EFR3B: variants seen among roughly 807,000 people sequenced by gnomAD.
EFR3B encodes the protein EFR3 homolog B.
In EFR3B, 64 loss-of-function variants were observed where a neutral mutation model predicts 104.7. That is an observed-to-expected ratio of 0.61 (90% CI 0.50 to 0.75). EFR3B has a LOEUF of 0.75. EFR3B is among the 30% of genes least tolerant of loss of function. The pLI, the probability that EFR3B is intolerant of heterozygous loss-of-function variation, is 0.00. For synonymous variants in EFR3B, 385 were observed against 417.9 expected (o/e 0.92, Z 0.96); for missense variants, 750 against 1,078.5 (o/e 0.70, Z 4.27).
At chr2:25,104,760 G>T (rs1036965359) in intron 4 of EFR3B, among the ~76,000 whole-genome samples, 1 of 152,212 alleles carries the variant, frequency 6.6e-6, no homozygotes, top group East Asian at 1.9e-4. Flanking sequence ...GCTGTGAAGC[G>T]TTGAGCAGGT....
chr2:25,091,760 T>C (rs1669131530), intron 2 of EFR3B, among the ~76,000 whole-genome samples: 1 of 152,178 alleles, frequency 6.6e-6, no homozygotes, highest in South Asian at 2.1e-4. Flanking sequence ...TGCCGGTCAG[T>C]GTGAGGACTC....
intron 16 of EFR3B, among the ~76,000 whole-genome samples, chr2:25,140,263 C>T (rs781679800): frequency 1.2e-4 from 19 of 152,042 alleles, no homozygotes; most frequent in Non-Finnish European, 2.6e-4. Context: ...GCCAAGATTG[C>T]ACCACTGCAC....
chr2:25,056,197 G>C (rs976231820), intron 1 of EFR3B, among the ~76,000 whole-genome samples: 1 of 152,066 alleles, frequency 6.6e-6, no homozygotes, highest in African/African-American at 2.4e-5. Flanking sequence ...AATAAATAAA[G>C]AATATATTAG....
intron 1 of EFR3B, among the ~76,000 whole-genome samples, chr2:25,043,849 A>T (rs1319938061): frequency 6.6e-6 from 1 of 152,222 alleles, no homozygotes; most frequent in Non-Finnish European, 1.5e-5. Flanking sequence ...ATGTGACTGC[A>T]GGGGCACCTG....
intron 1 of EFR3B, among the ~76,000 whole-genome samples, chr2:25,067,426 G>GTTTTTTTTT (rs111972158): frequency 4.9e-5 from 7 of 142,790 alleles, no homozygotes; most frequent in African/African-American, 1.8e-4. Context: ...TTTAGTTTTT[G>GTTTTTTTTT]TTTTTTTTTT....
chr2:25,094,800 A>T (rs72850895), intron 3 of EFR3B, among the ~76,000 whole-genome samples: 16,371 of 151,664 alleles, frequency 0.11, 2,124 homozygotes, highest in African/African-American at 0.32. Context: ...TATTATTATT[A>T]TTTTTTTAAG....
intron 1 of EFR3B, among the ~76,000 whole-genome samples, chr2:25,048,370 C>T (rs1407573157): frequency 6.6e-6 from 1 of 152,148 alleles, no homozygotes; most frequent in Non-Finnish European, 1.5e-5. Flanking sequence ...TATAAGCATG[C>T]CCCACAAGTT....
Position 25,097,010 on chromosome 2 carries a change from A to G in EFR3B, c.212+3880A>G, listed in dbSNP as rs113831208. 3.1e-3 allele frequency among the ~76,000 whole-genome samples: 479 copies of G among 152,332 alleles called. 1 individual carries two copies. The highest frequency in any genetic ancestry group is 0.011 in the African/African-American group (463 of 41,572). The stretch of plus-strand genomic sequence containing the variant: ...CTTGACATATTGTAAATTATACTCA[A>G]GCAAGTAAAAATGACTTGATCCTAG... On this transcript the variant is annotated intron_variant, in intron 3 of 22. Coordinates refer to ENST00000403714, the MANE Select transcript of EFR3B (RefSeq NM_014971.2).
intron 17 of EFR3B, among the ~76,000 whole-genome samples, chr2:25,141,827 C>T (rs576947595): frequency 6.6e-6 from 1 of 152,296 alleles, no homozygotes; most frequent in South Asian, 2.1e-4. Flanking sequence ...AGATGTTTTG[C>T]AAAACCAAAA....
chr2:25,107,808 G>A (rs554773468), intron 4 of EFR3B, among the ~76,000 whole-genome samples: 29 of 134,938 alleles, frequency 2.1e-4, no homozygotes, highest in African/African-American at 5.5e-4. Context: ...ATTTAAGTGA[G>A]CTTTTTTTTT....
At chr2:25,068,451 C>G (rs1668396205) in intron 1 of EFR3B, among the ~76,000 whole-genome samples, 1 of 152,064 alleles carries the variant, frequency 6.6e-6, no homozygotes, top group African/African-American at 2.4e-5. Flanking sequence ...AGGCTCCACG[C>G]CTCATTTTCT....
intron 4 of EFR3B, among the ~76,000 whole-genome samples, chr2:25,118,911 G>C (rs1448504338): frequency 6.6e-6 from 1 of 152,008 alleles, no homozygotes; most frequent in Non-Finnish European, 1.5e-5. Context: ...CGTGGCTGTA[G>C]TCCCAGCTAC....
At chr2:25,113,110 A>G (rs1669765468) in intron 4 of EFR3B, among the ~76,000 whole-genome samples, 1 of 152,160 alleles carries the variant, frequency 6.6e-6, no homozygotes, top group Non-Finnish European at 1.5e-5. Context: ...TAAAAAGCTG[A>G]AACTTTGATC....
At chr2:25,054,674 T>C (rs1667971425) in intron 1 of EFR3B, among the ~76,000 whole-genome samples, 1 of 152,192 alleles carries the variant, frequency 6.6e-6, no homozygotes, top group Admixed American at 6.5e-5. Context: ...TGACAATCCC[T>C]GCATACAAGG....
At chr2:25,084,517 G>A (rs186994875) in intron 1 of EFR3B, among the ~76,000 whole-genome samples, 2 of 152,298 alleles carry the variant, frequency 1.3e-5, no homozygotes, top group African/African-American at 4.8e-5. Context: ...GGGATTACAG[G>A]TGTGAGCCAC....
At chr2:25,069,696 G>T (rs748591322) in intron 1 of EFR3B, among the ~76,000 whole-genome samples, 2 of 152,124 alleles carry the variant, frequency 1.3e-5, no homozygotes, top group Admixed American at 6.5e-5. Context: ...TAGGGAAGGG[G>T]TAGTAACTTT....
chr2:25,145,538 C>A (rs1670791014), intron 19 of EFR3B: 2 of 167,684 alleles, frequency 1.2e-5, no homozygotes, highest in Admixed American at 6.1e-5. Context: ...GGCAGCACGG[C>A]ACTTCAGCCT....
rs1248555689 is a variant in EFR3B at position 25,042,380 on chromosome 2, C to A, written c.7+61C>A. 1 of 1,235,114 alleles carries A rather than the reference C, an allele frequency of 8.1e-7. No homozygotes were observed. Among genetic ancestry groups the A allele is most frequent in the Middle Eastern group, 3.0e-4 (1 of 3,370 alleles). 76.5% of individuals were successfully genotyped at this position (1,235,114 alleles called of 1,614,324 possible). On this transcript the variant is annotated intron_variant, in intron 1 of 22. Transcript: ENST00000403714. This position sits in a 1 kb window ranked among gnomAD's most constrained non-coding sequence, Gnocchi z 5.4. ...GGGGCGACTCCGCAAACTTCCCCGGCGCGGACCATTGTCCCCCTGCACGGC... is the reference window on the plus strand; with the variant it reads ...GGGGCGACTCCGCAAACTTCCCCGGAGCGGACCATTGTCCCCCTGCACGGC...
chr2:25,071,706 A>G (rs940206340), intron 1 of EFR3B, among the ~76,000 whole-genome samples: 1 of 152,336 alleles, frequency 6.6e-6, no homozygotes, highest in Non-Finnish European at 1.5e-5. Flanking sequence ...TGTCTAAATT[A>G]TGTCTTGTTT....
Sources: gnomAD v4.1 joint callset for allele counts (sites outside exome capture counted in the v4.1 genomes callset) on GRCh38, gnomAD v4.1.1 for gene constraint, Gnocchi (gnomAD v3.1) non-coding constraint, MANE v1.5 for transcripts, NCBI Gene and HGNC (gene_info 2026-07-23, HGNC 2026-07-21) for gene names.